Variants in KALRN observed in about 807,000 individuals in gnomAD.
The protein encoded by KALRN is kalirin RhoGEF kinase.
KALRN carries 70 observed loss-of-function variants against 353.7 expected under a neutral mutation model. That is an observed-to-expected ratio of 0.20 (90% confidence interval 0.16 to 0.24). The LOEUF is 0.24. Ranked by LOEUF, KALRN falls within the 10% of genes least tolerant of loss-of-function variation. KALRN has a pLI of 1.00. For synonymous variants in KALRN, 1,391 were observed against 1,434.8 expected, an observed-to-expected ratio of 0.97 and a Z score of 0.69; for missense variants, 2,791 against 3,756.7, an observed-to-expected ratio of 0.74 and a Z score of 6.72.
At chr3:124,372,496 T>TGATAC (rs2085972452) in intron 10 of KALRN, among the ~76,000 whole-genome samples, 1 of 151,882 alleles carries the variant, frequency 6.6e-6, no homozygotes, top group Non-Finnish European at 1.5e-5. Context: ...ATCTATAATA[T>TGATAC]AATAGCATAA....
intron 12 of KALRN, among the ~76,000 whole-genome samples, chr3:124,395,843 A>G (rs965711189): frequency 9.8e-5 from 15 of 152,304 alleles, no homozygotes; most frequent in South Asian, 2.1e-4. Flanking sequence ...CTGTTACCCA[A>G]TTATGACCTT....
intron 5 of KALRN, among the ~76,000 whole-genome samples, chr3:124,271,968 G>A (rs943147413): frequency 6.6e-6 from 1 of 152,152 alleles, no homozygotes; most frequent in Non-Finnish European, 1.5e-5. Flanking sequence ...ACTTATAAGT[G>A]GGAGGTAATC....
At chr3:124,134,990 T>C (rs1006284969) in intron 1 of KALRN, among the ~76,000 whole-genome samples, 5 of 152,142 alleles carry the variant, frequency 3.3e-5, no homozygotes, top group Non-Finnish European at 5.9e-5. Context: ...GAACTAAAAG[T>C]GGAACCACCA....
In KALRN at chr3:124,658,495, C is replaced by T. The variant is rs778013452; in HGVS notation, c.6101C>T (p.Ala2034Val). 2 of 1,614,002 alleles carry T rather than the reference C, an allele frequency of 1.2e-6. No individual in the cohort carries two copies. The highest frequency in any genetic ancestry group is 1.1e-5 in the South Asian group (1 of 91,076). ...AAGCCGCGCTCAGAGTACATCGTTG[C>T]TGAGTATGACGCCTACTTTGAGGTA... ...QNKPRSEYIV[A>V]EYDAYFEEVK... The change falls in exon 42 of 60, where the codon GCT (alanine) becomes GTT (valine). Residue 2034 changes from alanine to valine, a missense_variant. Ala to Val is a moderately conservative substitution (Grantham distance 64, BLOSUM62 0). Around this residue, in one of 11 missense-constraint regions of KALRN, gnomAD observed 1,065 missense variants for 1,156.4 expected, o/e 0.92. Coordinates refer to ENST00000682506, the MANE Select transcript of KALRN (RefSeq NM_001388419.1).
intron 5 of KALRN, among the ~76,000 whole-genome samples, chr3:124,280,125 C>T (rs757897978): frequency 2.6e-5 from 4 of 152,198 alleles, no homozygotes; most frequent in Non-Finnish European, 5.9e-5. Flanking sequence ...TCAGGTCTTG[C>T]CAGGAGCATC....
chr3:124,153,437 G>A (rs1175426926), intron 1 of KALRN, among the ~76,000 whole-genome samples: 2 of 151,114 alleles, frequency 1.3e-5, no homozygotes, highest in African/African-American at 4.9e-5. Context: ...TCCCTACAAA[G>A]GACATGAACT....
chr3:124,189,137 G>A (rs1342397639), intron 1 of KALRN, among the ~76,000 whole-genome samples: 1 of 152,120 alleles, frequency 6.6e-6, no homozygotes, highest in African/African-American at 2.4e-5. Flanking sequence ...AGCTATCAGG[G>A]TCTCGCTTAT....
chr3:124,280,240 G>A (rs1044902150), intron 5 of KALRN, among the ~76,000 whole-genome samples: 2 of 152,198 alleles, frequency 1.3e-5, no homozygotes, highest in Non-Finnish European at 2.9e-5. Flanking sequence ...CCAGGGCTGA[G>A]GAAGCCACAG....
intron 5 of KALRN, among the ~76,000 whole-genome samples, chr3:124,279,805 G>T (rs1477732896): frequency 6.6e-6 from 1 of 152,220 alleles, no homozygotes; most frequent in Non-Finnish European, 1.5e-5. Flanking sequence ...CAAACAAATA[G>T]CCATTGCACA....
intron 58 of KALRN, among the ~76,000 whole-genome samples, chr3:124,714,823 C>T (rs2150805585): frequency 6.6e-6 from 1 of 152,272 alleles, no homozygotes; most frequent in East Asian, 1.9e-4. Flanking sequence ...CGAGGCCAGC[C>T]TCGCCAACAT....
At chr3:124,361,204 CTG>C (rs1445596902) in intron 10 of KALRN, among the ~76,000 whole-genome samples, 1 of 152,156 alleles carries the variant, frequency 6.6e-6, no homozygotes, top group Non-Finnish European at 1.5e-5. Flanking sequence ...ATTAAAAAAA[CTG>C]GGGTTAGTCA....
chr3:124,439,810 C>T (rs1219185328), intron 18 of KALRN, among the ~76,000 whole-genome samples: 1 of 152,154 alleles, frequency 6.6e-6, no homozygotes, highest in Non-Finnish European at 1.5e-5. Flanking sequence ...AGCCTCCTTC[C>T]CCAGCCTTTG....
chr3:124,080,063 G>C (rs1188004725), intron 1 of KALRN: 5 of 470,936 alleles, frequency 1.1e-5, no homozygotes, highest in Non-Finnish European at 2.2e-5. Flanking sequence ...GCCAGAATTG[G>C]ATCCAACCCA....
At position 124,227,668 on chromosome 3, in the gene KALRN, T is replaced by G. The variant is rs938560757; in HGVS notation, c.74-322T>G. On this transcript the variant is annotated intron_variant, in intron 1 of 59. Coordinates refer to ENST00000682506, the MANE Select transcript of KALRN (RefSeq NM_001388419.1). The stretch of plus-strand genomic sequence containing the variant: ...TGCTCAATAGCAACAGGGCTGTTTT[T>G]TTTTTTTTTTTTTTTTTTTTTTTTT... 8.5e-4 allele frequency among the ~76,000 whole-genome samples: 16 copies of G among 18,732 alleles called. No homozygotes were observed. In the South Asian group the frequency reaches 0.025, roughly 29 times the overall value. 12.3% of individuals were successfully genotyped at this position (18,732 alleles called of 152,430 possible).
chr3:124,505,362 G>A (rs2065088862), intron 33 of KALRN, among the ~76,000 whole-genome samples: 1 of 152,200 alleles, frequency 6.6e-6, no homozygotes, highest in African/African-American at 2.4e-5. Context: ...GGGCATGGTG[G>A]TTTGCACCTG....
intron 51 of KALRN, among the ~76,000 whole-genome samples, chr3:124,692,683 T>C (rs1189720100): frequency 6.6e-6 from 1 of 152,260 alleles, no homozygotes; most frequent in Non-Finnish European, 1.5e-5. Context: ...GTACCTGTTA[T>C]TTGCCGGGCA....
At chr3:124,261,314 G>A (rs762533286) in intron 3 of KALRN, among the ~76,000 whole-genome samples, 5 of 152,182 alleles carry the variant, frequency 3.3e-5, no homozygotes, top group Non-Finnish European at 5.9e-5. Context: ...CCTAGTTTAT[G>A]AAGTTATTGT....
chr3:124,517,206 A>C (rs937323875), intron 33 of KALRN, among the ~76,000 whole-genome samples: 15 of 152,150 alleles, frequency 9.9e-5, no homozygotes, highest in African/African-American at 1.9e-4. Flanking sequence ...TCACAAATGC[A>C]TGTGTATAGC....
rs61485429 is a variant in KALRN, at chr3:124,411,433, C to CTTT, written c.2347-2011_2347-2009dup. 8.4e-4 allele frequency among the ~76,000 whole-genome samples: 43 copies of CTTT among 51,490 alleles called. 3 individuals are homozygous for CTTT. Among genetic ancestry groups the CTTT allele is most frequent in the East Asian group, 3.0e-3 (5 of 1,640 alleles). 33.8% of individuals were successfully genotyped at this position (51,490 alleles called of 152,430 possible). On this transcript the variant is annotated intron_variant, in intron 13 of 59. Transcript: ENST00000682506. ...AAGCCTATGTATACTTTAAATTATG[C>CTTT]TTTTTTTTTTTTTTTTTTTTTTTTT... is the stretch of plus-strand genomic sequence containing the variant.
Sources: allele counts gnomAD v4.1 joint callset (sites outside exome capture counted in the v4.1 genomes callset), GRCh38; gene constraint gnomAD v4.1.1; regional missense constraint gnomAD v4.1.1; transcripts MANE v1.5; gene names NCBI Gene and HGNC (gene_info 2026-07-23, HGNC 2026-07-21).